DDX60L: variants seen among roughly 807,000 people sequenced by gnomAD.
DDX60L encodes probable ATP-dependent RNA helicase DDX60-like.
DDX60L carries 191 observed loss-of-function variants against 211.6 expected under a neutral mutation model. That is an observed-to-expected ratio of 0.90 (90% confidence interval 0.80 to 1.02). The LOEUF is 1.02. Ranked by LOEUF, DDX60L falls within the 50% of genes least tolerant of loss-of-function variation. The probability of loss-of-function intolerance (pLI) is 0.00; values close to 1 mark genes in which losing one functional copy is unlikely to be tolerated. For synonymous variants in DDX60L, 706 were observed against 694.1 expected, an observed-to-expected ratio of 1.02 and a Z score of -0.27; for missense variants, 2,007 against 1,984.1, an observed-to-expected ratio of 1.01 and a Z score of -0.22.
chr4:168,449,257 C>T (rs1051886135), intron 8 of DDX60L, among the ~76,000 whole-genome samples: 25 of 151,864 alleles, frequency 1.6e-4, no homozygotes, highest in African/African-American at 6.1e-4. Context: ...TTAAGAGGCA[C>T]ATATACACCA....
intron 22 of DDX60L, among the ~76,000 whole-genome samples, chr4:168,407,591 A>G (rs1467740772): frequency 6.6e-6 from 1 of 152,224 alleles, no homozygotes; most frequent in Non-Finnish European, 1.5e-5. Flanking sequence ...TGTTATGTTC[A>G]TGTGTACTGT....
intron 30 of DDX60L, among the ~76,000 whole-genome samples, chr4:168,383,847 T>C (rs1743383443): frequency 6.6e-6 from 1 of 152,160 alleles, no homozygotes; most frequent in Non-Finnish European, 1.5e-5. Flanking sequence ...CTTGATTGGA[T>C]TGAAGCATTC....
chr4:168,403,888 C>T (rs1747273946), intron 25 of DDX60L, 94 bp downstream of exon 25: 1 of 653,230 alleles, frequency 1.5e-6, no homozygotes, highest in South Asian at 5.7e-5. Context: ...AGGGTTACTT[C>T]TAACCACTAT....
intron 8 of DDX60L, 67 bp downstream of exon 8, chr4:168,453,057 T>C (rs1756019873): frequency 7.0e-7 from 1 of 1,430,774 alleles, no homozygotes; most frequent in Non-Finnish European, 9.4e-7. Flanking sequence ...AATATAACTC[T>C]AGTTTTAAAG....
Position 168,364,985 on chromosome 4 carries a change from G to T in DDX60L, c.4929-3774C>A, listed in dbSNP as rs185312526. On this transcript the variant is annotated intron_variant, in intron 36 of 37. Transcript: ENST00000682922. ...CTTAAATATTTCTTAAGACAAATGAGAATGGAAACACATTATAACAAAACT... is the reference window on the plus strand; with the variant it reads ...CTTAAATATTTCTTAAGACAAATGATAATGGAAACACATTATAACAAAACT... 1.1e-3 allele frequency among the ~76,000 whole-genome samples: 167 copies of T among 152,020 alleles called. 1 individual carries two copies. The highest frequency in any genetic ancestry group is 1.8e-3 in the Non-Finnish European group (119 of 67,976).
At chr4:168,404,477 T>A (rs552973682) in intron 24 of DDX60L, among the ~76,000 whole-genome samples, 2 of 152,064 alleles carry the variant, frequency 1.3e-5, no homozygotes, top group South Asian at 4.2e-4. Flanking sequence ...AAGGAGTATA[T>A]AAAACCTATA....
intron 22 of DDX60L, among the ~76,000 whole-genome samples, chr4:168,414,387 C>A (rs1448686676): frequency 6.6e-6 from 1 of 152,012 alleles, no homozygotes; most frequent in Non-Finnish European, 1.5e-5. Context: ...GAACCTATCA[C>A]AAATTACAGC....
intron 26 of DDX60L, among the ~76,000 whole-genome samples, 166 bp downstream of exon 26, chr4:168,400,660 G>C (rs1746636160): frequency 6.6e-6 from 1 of 152,038 alleles, no homozygotes; most frequent in African/African-American, 2.4e-5. Context: ...GTATAAGAGG[G>C]ATTCCCTTCC....
chr4:168,373,699 A>T lies in DDX60L; in HGVS notation c.4743T>A (p.Asp1581Glu). Reference sequence around the variant, plus strand: ...TAGTCTCTGGTCGAAGCAAATCATTATCTGTGTTCCCCGAAAGACAAACAA... The same window carrying T: ...TAGTCTCTGGTCGAAGCAAATCATTTTCTGTGTTCCCCGAAAGACAAACAA... ...SPFVCLSGNTDNDLLRPETIN... is the reference protein window; with the variant it reads ...SPFVCLSGNTENDLLRPETIN... Residue 1581 changes from aspartate (D) to glutamate (E), a missense_variant, in exon 35 of 38, where the codon GAT (aspartate) becomes GAA (glutamate). Asp to Glu is a conservative substitution (Grantham distance 45). Transcript: ENST00000682922. The T allele has an allele frequency of 6.2e-7, 1 of 1,613,930 alleles. No homozygotes were observed. The highest frequency in any genetic ancestry group is 1.7e-5 in the Admixed American group (1 of 60,022).
At chr4:168,416,487 G>A (rs1749585331) in intron 20 of DDX60L, among the ~76,000 whole-genome samples, 195 bp downstream of exon 20, 1 of 152,192 alleles carries the variant, frequency 6.6e-6, no homozygotes, top group South Asian at 2.1e-4. Flanking sequence ...AGGAGGCTGA[G>A]GTGGGAGGAT....
intron 33 of DDX60L, among the ~76,000 whole-genome samples, chr4:168,377,566 C>T (rs1742196219): frequency 1.3e-5 from 2 of 151,958 alleles, no homozygotes; most frequent in Admixed American, 1.3e-4. Context: ...TATGAAGTTT[C>T]CTTTTTAAAT....
In DDX60L at chr4:168,400,807, A is replaced by C. The variant is rs1560992051; in HGVS notation, c.3491+19T>G. 6.3e-7 allele frequency: 1 copy of C among 1,587,246 alleles called. No homozygotes were observed. The highest frequency in any genetic ancestry group is 1.2e-5 in the South Asian group (1 of 86,652). ...TAGTCTTCAGGGGCCAATTTGTTTA[A>C]GTAAACATTAATACTTACATCCTTT... is the stretch of plus-strand genomic sequence containing the variant. On this transcript the variant is annotated intron_variant, in intron 26 of 37. Coordinates refer to ENST00000682922, the MANE Select transcript of DDX60L (RefSeq NM_001012967.3).
intron 11 of DDX60L, 110 bp from the exon 12 acceptor site, chr4:168,432,680 TA>T: frequency 1.6e-6 from 1 of 612,528 alleles, no homozygotes; most frequent in Non-Finnish European, 2.6e-6. Flanking sequence ...ATTTGTGTGA[TA>T]TAATGTGGGT....
chr4:168,378,289 GC>G (rs1399397109), intron 33 of DDX60L, 64 bp downstream of exon 33: 1 of 975,050 alleles, frequency 1.0e-6, no homozygotes, highest in African/African-American at 1.6e-5. Context: ...GGTACTGAAT[GC>G]TTTCCAGTAG....
At chr4:168,457,665 G>A (rs1206367549) in intron 6 of DDX60L, among the ~76,000 whole-genome samples, 1 of 152,028 alleles carries the variant, frequency 6.6e-6, no homozygotes, top group Non-Finnish European at 1.5e-5. Context: ...GTTTCCCAGA[G>A]TCTGTTTTAA....
chr4:168,418,361 C>G (rs1407849763), intron 19 of DDX60L, among the ~76,000 whole-genome samples: 3 of 152,192 alleles, frequency 2.0e-5, no homozygotes, highest in Non-Finnish European at 2.9e-5. Flanking sequence ...AGCCACCACA[C>G]CCGGCCTCAT....
intron 34 of DDX60L, among the ~76,000 whole-genome samples, chr4:168,374,151 G>A (rs1741522340): frequency 6.6e-6 from 1 of 151,702 alleles, no homozygotes; most frequent in Admixed American, 6.6e-5. Context: ...TGTCCAGCGA[G>A]TACCATCTCG....
chr4:168,398,893 C>T (rs1037913117), intron 26 of DDX60L, among the ~76,000 whole-genome samples: 2 of 151,902 alleles, frequency 1.3e-5, no homozygotes, highest in African/African-American at 2.4e-5. Context: ...AGAGGAGTGA[C>T]CCACTCCAGG....
At chr4:168,441,660 C>A (rs894591059) in intron 9 of DDX60L, among the ~76,000 whole-genome samples, 168 bp from the exon 10 acceptor site, 5 of 152,050 alleles carry the variant, frequency 3.3e-5, no homozygotes, top group Non-Finnish European at 5.9e-5. Flanking sequence ...GACACTATGA[C>A]AGTACTTTTT....
Sources: gnomAD v4.1 joint callset for allele counts (sites outside exome capture counted in the v4.1 genomes callset) on GRCh38, gnomAD v4.1.1 for gene constraint, MANE v1.5 for transcripts, NCBI Gene and HGNC (gene_info 2026-07-23, HGNC 2026-07-21) for gene names.